The following LRRIQ1 variants were observed in gnomAD, a reference collection of about 807,000 sequenced individuals.
The protein encoded by LRRIQ1 is leucine rich repeats and IQ motif containing 1, also known as leucine-rich repeat- and IQ domain-containing protein 1.
In LRRIQ1, 210 loss-of-function variants were observed where a neutral mutation model predicts 211.9. The ratio of observed to expected loss-of-function variants is 0.99; its 90% CI spans 0.89 to 1.11. The LOEUF (loss-of-function observed/expected upper bound fraction) is 1.11, where lower values mean the gene tolerates loss of function less well. Ranked by LOEUF, LRRIQ1 falls within the 50% of genes most tolerant of loss-of-function variation. The probability of loss-of-function intolerance (pLI) is 0.00; values close to 1 mark genes in which losing one functional copy is unlikely to be tolerated. For synonymous variants in LRRIQ1, 699 were observed against 650.1 expected (o/e 1.08, Z -1.14); for missense variants, 2,136 against 1,939.5 (o/e 1.10, Z -1.90).
intron 24 of LRRIQ1, among the ~76,000 whole-genome samples, chr12:85,201,214 A>G (rs1489165612): frequency 6.5e-5 from 9 of 138,412 alleles, no homozygotes; most frequent in Middle Eastern, 7.8e-3. Context: ...CATCGAGGCT[A>G]TTGGCCTGAT....
chr12:85,084,887 C>T (rs1459785312), intron 11 of LRRIQ1, among the ~76,000 whole-genome samples: 1 of 150,710 alleles, frequency 6.6e-6, no homozygotes, highest in Non-Finnish European at 1.5e-5. Flanking sequence ...GATCGCGCCA[C>T]TGCACTCCAG....
chr12:85,121,635 A>G (rs1335185187), intron 15 of LRRIQ1, 62 bp from the exon 16 acceptor site: 1 of 1,255,308 alleles, frequency 8.0e-7, no homozygotes, highest in African/African-American at 1.5e-5. Context: ...GTATATGGTT[A>G]TTTAGATACA....
intron 6 of LRRIQ1, among the ~76,000 whole-genome samples, chr12:85,051,408 T>C (rs1249893808): frequency 6.6e-6 from 1 of 152,192 alleles, no homozygotes; most frequent in Non-Finnish European, 1.5e-5. Context: ...ACTGATCTCA[T>C]TGTCTCCTTG....
chr12:85,132,736 T>A (rs1888857709), intron 18 of LRRIQ1, among the ~76,000 whole-genome samples: 1 of 151,848 alleles, frequency 6.6e-6, no homozygotes, highest in Non-Finnish European at 1.5e-5. Context: ...CATTCCAGCC[T>A]AGGTGAAAGA....
intron 22 of LRRIQ1, 59 bp from the exon 23 acceptor site, chr12:85,153,953 C>A: frequency 8.7e-7 from 1 of 1,143,966 alleles, no homozygotes; most frequent in Non-Finnish European, 1.2e-6. Flanking sequence ...TTTTTATATG[C>A]ATATCTAAAT....
At chr12:85,208,998 A>G (rs1008400175) in intron 24 of LRRIQ1, among the ~76,000 whole-genome samples, 5 of 152,172 alleles carry the variant, frequency 3.3e-5, no homozygotes, top group Non-Finnish European at 7.4e-5. Flanking sequence ...ATGAACTTAG[A>G]CAACTTTAAA....
At chr12:85,040,774 A>AT (rs546447260) in intron 3 of LRRIQ1, among the ~76,000 whole-genome samples, 173 bp downstream of exon 3, 30 of 148,490 alleles carry the variant, frequency 2.0e-4, no homozygotes, top group African/African-American at 3.9e-4. Flanking sequence ...TAGTTCATTC[A>AT]TTTTTTTTTT....
chr12:85,193,256 T>A (rs1465077422), intron 24 of LRRIQ1, among the ~76,000 whole-genome samples: 1 of 125,670 alleles, frequency 8.0e-6, no homozygotes, highest in Admixed American at 1.0e-4. Flanking sequence ...CTGCAGGATA[T>A]TATCCAGGAG....
intron 24 of LRRIQ1, among the ~76,000 whole-genome samples, chr12:85,204,964 A>G (rs1350395443): frequency 6.6e-6 from 1 of 152,176 alleles, no homozygotes; most frequent in East Asian, 1.9e-4. Context: ...GTCCCCGCCC[A>G]AATCTCATCT....
chr12:85,061,021 A>C (rs889488282), intron 8 of LRRIQ1, among the ~76,000 whole-genome samples: 1 of 151,874 alleles, frequency 6.6e-6, no homozygotes, highest in Admixed American at 6.6e-5. Context: ...AAGTCATGAG[A>C]GTCTGAAAGT....
chr12:85,060,125 G>A (rs1393419069), intron 8 of LRRIQ1, among the ~76,000 whole-genome samples: 1 of 151,854 alleles, frequency 6.6e-6, no homozygotes, highest in East Asian at 1.9e-4. Context: ...TAGGATCACT[G>A]AGTTTTAAAA....
chr12:85,045,011 T>C (rs575869144), intron 4 of LRRIQ1, among the ~76,000 whole-genome samples: 104 of 151,920 alleles, frequency 6.8e-4, no homozygotes, highest in Non-Finnish European at 1.1e-3. Flanking sequence ...TTTAAGAATA[T>C]TAAAAGTGGT....
chr12:85,110,252 A>C (rs1887078253), intron 15 of LRRIQ1, among the ~76,000 whole-genome samples: 2 of 152,138 alleles, frequency 1.3e-5, no homozygotes, highest in African/African-American at 4.8e-5. Flanking sequence ...CATAATTTTA[A>C]GACATTTTTC....
Position 85,153,679 on chromosome 12 carries a change from T to G in LRRIQ1, c.4558T>G (p.Ser1520Ala). 1 of 1,583,084 alleles carries G rather than the reference T, an allele frequency of 6.3e-7. No individual in the cohort carries two copies. Among genetic ancestry groups the G allele is most frequent in the African/African-American group, 1.4e-5 (1 of 73,226 alleles). The change falls in exon 22 of 27, where the codon TCT (serine) becomes GCT (alanine). Residue 1520 changes from serine to alanine, a missense_variant. Physicochemically the swap from Ser to Ala is moderately conservative, Grantham distance 99. Transcript: ENST00000393217. ...QFNSRSENKT[S>A]SWTPESKTSR... ...TATTGCCAGATCAGAAAATAAAACT[T>G]CTTCCTGGACACCTGAATCAAAGAC...
intron 1 of LRRIQ1, among the ~76,000 whole-genome samples, chr12:85,250,959 A>T (rs1294766450): frequency 1.8e-5 from 2 of 110,490 alleles, no homozygotes; most frequent in African/African-American, 7.4e-5. Context: ...TATATATTAT[A>T]TATTATATTA....
At chr12:85,190,300 GTTA>G (rs1217427078) in intron 24 of LRRIQ1, among the ~76,000 whole-genome samples, 4 of 135,684 alleles carry the variant, frequency 2.9e-5, no homozygotes, top group African/African-American at 5.4e-5. Context: ...AATAATTTAT[GTTA>G]TTAACTGTAA....
At chr12:85,211,353 G>A (rs1893826949) in intron 24 of LRRIQ1, among the ~76,000 whole-genome samples, 2 of 152,130 alleles carry the variant, frequency 1.3e-5, no homozygotes, top group Admixed American at 1.3e-4. Flanking sequence ...GTAACCATAA[G>A]TGTATAATTA....
At chr12:85,232,659 A>G in intron 25 of LRRIQ1, 37 bp from the exon 26 acceptor site, 1 of 1,549,166 alleles carries the variant, frequency 6.5e-7, no homozygotes, top group Non-Finnish European at 8.9e-7. Flanking sequence ...CTCTACATTT[A>G]CATTATAAAA....
At chr12:85,245,823 AATTATT>A (rs1442345686), downstream of LRRIQ1, among the ~76,000 whole-genome samples, 1 of 150,910 alleles carries the variant, frequency 6.6e-6, no homozygotes, top group African/African-American at 2.4e-5. Flanking sequence ...ACTTAATTAT[AATTATT>A]ATTTTTGAAA....
Sources: gnomAD v4.1 joint callset for allele counts (sites outside exome capture counted in the v4.1 genomes callset) on GRCh38, gnomAD v4.1.1 for gene constraint, MANE v1.5 for transcripts, NCBI Gene and HGNC (gene_info 2026-07-23, HGNC 2026-07-21) for gene names.